The following TMEM132C variants were observed in gnomAD, a reference collection of about 807,000 sequenced individuals.
The protein encoded by TMEM132C is protein phosphatase 1, regulatory subunit 152.
Under a neutral mutation model 61.4 loss-of-function variants are expected in TMEM132C, and 29 were observed. The ratio of observed to expected loss-of-function variants is 0.47; its 90% CI spans 0.35 to 0.64. The LOEUF is 0.64. Among genes scored for constraint, TMEM132C ranks in the 30% least tolerant of loss-of-function variants. The pLI is 0.00. For missense variants in TMEM132C, 1,408 were observed against 1,476.9 expected (o/e 0.95, Z 0.76); for synonymous variants, 656 against 633.1 (o/e 1.04, Z -0.54).
chr12:128,547,775 A>G (rs1874012051), intron 3 of TMEM132C, among the ~76,000 whole-genome samples: 1 of 152,150 alleles, frequency 6.6e-6, no homozygotes, highest in African/African-American at 2.4e-5. Flanking sequence ...AGGCTGTCAC[A>G]CCAGCGGCTT....
At chr12:128,514,127 T>C (rs1367755268) in intron 2 of TMEM132C, among the ~76,000 whole-genome samples, 3 of 152,228 alleles carry the variant, frequency 2.0e-5, no homozygotes, top group Non-Finnish European at 2.9e-5. Flanking sequence ...ACAAAAGTGC[T>C]GTACTTACAA....
chr12:128,666,976 A>G (rs1199723553), intron 4 of TMEM132C, among the ~76,000 whole-genome samples: 1 of 152,216 alleles, frequency 6.6e-6, no homozygotes, highest in Non-Finnish European at 1.5e-5. Flanking sequence ...AGGCTGAGGC[A>G]GGAGAATGGC....
chr12:128,697,345 C>A lies in TMEM132C; in HGVS notation c.2051C>A (p.Pro684His). 6.4e-7 allele frequency: 1 copy of A among 1,551,300 alleles called. No individual in the cohort carries two copies. The highest frequency in any genetic ancestry group is 8.7e-7 in the Non-Finnish European group (1 of 1,146,714). ...LVAGLSVALY[P>H]NAENSKAVTA... Reference sequence around the variant, plus strand: ...GCTGGGCTGTCTGTCGCCCTTTACCCCAACGCAGAAAACAGCAAGGCCGTA... The same window carrying A: ...GCTGGGCTGTCTGTCGCCCTTTACCACAACGCAGAAAACAGCAAGGCCGTA... The change falls in exon 8 of 9, where the codon CCC (proline) becomes CAC (histidine). Residue 684 changes from proline (P) to histidine (H), a missense_variant. Coordinates refer to ENST00000435159, the MANE Select transcript of TMEM132C (RefSeq NM_001136103.3).
chr12:128,428,134 C>T (rs1869259558), intron 2 of TMEM132C, among the ~76,000 whole-genome samples: 1 of 152,162 alleles, frequency 6.6e-6, no homozygotes. Flanking sequence ...CTCTCAACAA[C>T]CCGTTCTACA....
rs557858166 is a variant in TMEM132C, at chr12:128,384,311, G to A, written c.86-30421G>A. 1.3e-3 allele frequency among the ~76,000 whole-genome samples: 196 copies of A among 152,298 alleles called. 2 individuals are homozygous for A. Among genetic ancestry groups the A allele is most frequent in the African/African-American group, 4.5e-3 (185 of 41,560 alleles). Reference sequence around the variant, plus strand: ...GCGCACCCTCCCTGCAGAAGAAACCGTGGGTTGTAGGAGCTCCCAGGGCAG... The same window carrying A: ...GCGCACCCTCCCTGCAGAAGAAACCATGGGTTGTAGGAGCTCCCAGGGCAG... On this transcript the variant is annotated intron_variant, in intron 1 of 8. Coordinates refer to ENST00000435159, the MANE Select transcript of TMEM132C (RefSeq NM_001136103.3).
chr12:128,433,609 GAA>G (rs1869473038), intron 2 of TMEM132C, among the ~76,000 whole-genome samples: 1 of 152,174 alleles, frequency 6.6e-6, no homozygotes, highest in Non-Finnish European at 1.5e-5. Context: ...GAGGTAAAAT[GAA>G]AAAGAGTGTC....
At chr12:128,667,044 T>A (rs1020104112) in intron 4 of TMEM132C, among the ~76,000 whole-genome samples, 1 of 152,158 alleles carries the variant, frequency 6.6e-6, no homozygotes, top group Non-Finnish European at 1.5e-5. Context: ...CACTCCAGCC[T>A]GGGCGACAGA....
intron 2 of TMEM132C, among the ~76,000 whole-genome samples, chr12:128,425,702 G>A (rs1276484160): frequency 1.3e-5 from 2 of 152,146 alleles, no homozygotes; most frequent in African/African-American, 4.8e-5. Flanking sequence ...CCTTGCCTTC[G>A]CCAGCTGTCC....
At chr12:128,557,397 C>T (rs972654615) in intron 3 of TMEM132C, among the ~76,000 whole-genome samples, 2 of 152,224 alleles carry the variant, frequency 1.3e-5, no homozygotes, top group African/African-American at 4.8e-5. Context: ...TAACAAGTCT[C>T]TCAAGCTCTT....
At chr12:128,683,391 G>C (rs771756860) in intron 5 of TMEM132C, among the ~76,000 whole-genome samples, 1 of 152,108 alleles carries the variant, frequency 6.6e-6, no homozygotes, top group Non-Finnish European at 1.5e-5. Flanking sequence ...CTACTTCTCT[G>C]ACCTTGTACT....
intron 2 of TMEM132C, among the ~76,000 whole-genome samples, chr12:128,430,963 C>T (rs61940009): frequency 0.12 from 17,930 of 152,198 alleles, 1,090 homozygotes; most frequent in South Asian, 0.14. Flanking sequence ...CTAAGTGTTT[C>T]AGTGAAAGGA....
At chr12:128,464,762 C>CAGAAAGAAAGAA (rs35359461) in intron 2 of TMEM132C, among the ~76,000 whole-genome samples, 9,395 of 127,604 alleles carry the variant, frequency 0.074, 383 homozygotes, top group Middle Eastern at 0.095. Flanking sequence ...AAGACCCTGT[C>CAGAAAGAAAGAA]AGAAAGAAAG....
chr12:128,478,326 T>C (rs767565345), intron 2 of TMEM132C, among the ~76,000 whole-genome samples: 42 of 152,368 alleles, frequency 2.8e-4, no homozygotes, highest in Non-Finnish European at 4.1e-4. Flanking sequence ...TAAGCACTTA[T>C]AGTTCTTAAA....
chr12:128,410,165 C>T (rs993258183), intron 1 of TMEM132C, among the ~76,000 whole-genome samples: 22 of 151,898 alleles, frequency 1.4e-4, no homozygotes, highest in African/African-American at 3.4e-4. Flanking sequence ...TTTATTTCAA[C>T]GAACAGTTTT....
chr12:128,434,304 T>A (rs577288887), intron 2 of TMEM132C, among the ~76,000 whole-genome samples: 13 of 152,332 alleles, frequency 8.5e-5, no homozygotes, highest in South Asian at 4.1e-4. Flanking sequence ...CAGATAATTT[T>A]ATTTTTATTT....
At chr12:128,666,956 G>A (rs916764223) in intron 4 of TMEM132C, among the ~76,000 whole-genome samples, 3 of 152,284 alleles carry the variant, frequency 2.0e-5, no homozygotes, top group Admixed American at 6.5e-5. Context: ...TGTAGTCCCC[G>A]CTACTCGGGA....
At chr12:128,287,799 T>G (rs1470247707) in intron 1 of TMEM132C, among the ~76,000 whole-genome samples, 1 of 152,200 alleles carries the variant, frequency 6.6e-6, no homozygotes, top group African/African-American at 2.4e-5. Flanking sequence ...GTAATGTCTC[T>G]TTGTGTTTTT....
At chr12:128,299,829 C>G (rs1247971804) in intron 1 of TMEM132C, among the ~76,000 whole-genome samples, 1 of 152,208 alleles carries the variant, frequency 6.6e-6, no homozygotes, top group East Asian at 1.9e-4. Flanking sequence ...CCTCTCACCC[C>G]TACACGTGAT....
At chr12:128,583,340 G>A (rs902376602) in intron 3 of TMEM132C, among the ~76,000 whole-genome samples, 2 of 151,892 alleles carry the variant, frequency 1.3e-5, no homozygotes, top group African/African-American at 4.8e-5. Flanking sequence ...ATGCACTGGG[G>A]GGAATTATTT....
Sources: gnomAD v4.1 joint callset for allele counts (sites outside exome capture counted in the v4.1 genomes callset) on GRCh38, gnomAD v4.1.1 for gene constraint, MANE v1.5 for transcripts, NCBI Gene and HGNC (gene_info 2026-07-23, HGNC 2026-07-21) for gene names.